FBXL4: variants seen among roughly 807,000 people sequenced by gnomAD.
The protein encoded by FBXL4 is F-box and leucine rich repeat protein 4.
In FBXL4, 40 loss-of-function variants were observed where a neutral mutation model predicts 58.9. The ratio of observed to expected loss-of-function variants is 0.68; its 90% CI spans 0.53 to 0.88. The LOEUF (loss-of-function observed/expected upper bound fraction) is 0.88. FBXL4 is among the 40% of genes least tolerant of loss of function. FBXL4 has a pLI of 0.00. For synonymous variants in FBXL4, 263 were observed against 265.5 expected (o/e 0.99, Z 0.09); for missense variants, 676 against 734.4 (o/e 0.92, Z 0.92).
intron 5 of FBXL4, among the ~76,000 whole-genome samples, chr6:98,912,705 C>T (rs1350212332): frequency 6.6e-6 from 1 of 151,974 alleles, no homozygotes; most frequent in Non-Finnish European, 1.5e-5. Context: ...ACAACCGGTA[C>T]CAGCTGCTGC....
At chr6:98,910,838 G>A (rs1045436849) in intron 5 of FBXL4, among the ~76,000 whole-genome samples, 1 of 152,148 alleles carries the variant, frequency 6.6e-6, no homozygotes, top group Admixed American at 6.5e-5. Flanking sequence ...AGGACAGTGG[G>A]TGCAGCGCAC....
rs1226833476 is a variant in FBXL4, at chr6:98,895,821, T to TA, written c.1317+3446dup. 2.0e-5 allele frequency among the ~76,000 whole-genome samples: 3 copies of TA among 152,186 alleles called. No homozygotes were observed. The East Asian group carries it at 5.8e-4, about 29-fold the overall frequency. ...TGCATACGGACTTGTCTAAGTCTTG[T>TA]AAAATGGCATAAATATACTATATTT... On this transcript the variant is annotated intron_variant, in intron 7 of 9. Transcript: ENST00000369244.
chr6:98,917,582 T>C lies in FBXL4; in HGVS notation c.650A>G (p.Tyr217Cys). 6.2e-7 allele frequency: 1 copy of C among 1,614,024 alleles called. No homozygotes were observed. Among genetic ancestry groups the C allele is most frequent in the Non-Finnish European group, 8.5e-7 (1 of 1,179,906 alleles). The stretch of plus-strand genomic sequence containing the variant: ...TAGCACAACTGCATCTAATTCAGTG[T>C]AATATTCCAGAAGAGAACTATTTAC... Reference protein sequence around the residue: ...LEVNSSLLEYYTELDAVVLHG... With the variant: ...LEVNSSLLEYCTELDAVVLHG... Residue 217 changes from tyrosine (Y) to cysteine (C), a missense_variant, in exon 5 of 10, where the codon TAC becomes TGC. Transcript: ENST00000369244.
At chr6:98,920,612 C>T (rs1772542904) in intron 4 of FBXL4, among the ~76,000 whole-genome samples, 2 of 152,004 alleles carry the variant, frequency 1.3e-5, no homozygotes, top group African/African-American at 4.8e-5. Context: ...CTGCTACCTG[C>T]ATTAAGGTTT....
intron 7 of FBXL4, among the ~76,000 whole-genome samples, chr6:98,882,547 A>G (rs796880638): frequency 2.0e-5 from 3 of 152,098 alleles, no homozygotes; most frequent in African/African-American, 7.2e-5. Context: ...TAAATTACTT[A>G]CTATGAAGAA....
At chr6:98,908,799 G>C (rs1469303717) in intron 5 of FBXL4, among the ~76,000 whole-genome samples, 5 of 151,398 alleles carry the variant, frequency 3.3e-5, no homozygotes, top group African/African-American at 1.2e-4. Flanking sequence ...CTATCCTCTT[G>C]ACCTGTTCCT....
At position 98,946,622 on chromosome 6, in the gene FBXL4, A is replaced by C. The variant is rs552693761; in HGVS notation, c.-309+1184T>G. ...TGAGTAAAGAAATTATCCATCTTAC[A>C]ATGAGTTGACTTATCTGATTTTCAA... On this transcript the variant is annotated intron_variant, in intron 1 of 9. Transcript: ENST00000369244. Among the ~76,000 whole-genome samples the C allele has an allele frequency of 1.3e-4, 20 of 152,330 alleles. No individual in the cohort carries two copies. In the East Asian group the frequency reaches 3.5e-3, roughly 26 times the overall value.
chr6:98,911,398 G>A (rs888836062), intron 5 of FBXL4, among the ~76,000 whole-genome samples: 3 of 152,184 alleles, frequency 2.0e-5, no homozygotes, highest in Non-Finnish European at 4.4e-5. Flanking sequence ...CCTGACCCCT[G>A]ACCCCCAAGC....
At chr6:98,947,227 G>C (rs931871100) in intron 1 of FBXL4, among the ~76,000 whole-genome samples, 3 of 152,240 alleles carry the variant, frequency 2.0e-5, no homozygotes, top group African/African-American at 7.2e-5. Context: ...AAAACCACCC[G>C]TTATAAATAT....
intron 7 of FBXL4, 90 bp downstream of exon 7, chr6:98,899,178 A>T: frequency 6.5e-7 from 1 of 1,539,586 alleles, no homozygotes; most frequent in East Asian, 2.3e-5. Context: ...ATTTAAAAAT[A>T]AAAAACACAT....
At chr6:98,913,787 A>C (rs529628084) in intron 5 of FBXL4, among the ~76,000 whole-genome samples, 12 of 152,272 alleles carry the variant, frequency 7.9e-5, no homozygotes, top group East Asian at 5.8e-4. Context: ...CATTCAAAAG[A>C]TAGCAGAAGG....
At chr6:98,893,058 C>T (rs1447842777) in intron 7 of FBXL4, among the ~76,000 whole-genome samples, 1 of 152,120 alleles carries the variant, frequency 6.6e-6, no homozygotes, top group African/African-American at 2.4e-5. Flanking sequence ...TACTGAGCTA[C>T]CTATCATGCC....
chr6:98,874,196 C>A lies in FBXL4; in HGVS notation c.*82G>T. 1 of 1,077,194 alleles carries A rather than the reference C, an allele frequency of 9.3e-7. No individual in the cohort carries two copies. The highest frequency in any genetic ancestry group is 2.3e-5 in the South Asian group (1 of 42,618). The allele number at this position is 1,077,194 out of a possible 1,614,324, so 66.7% of individuals were successfully genotyped here. A position where few individuals can be genotyped will look rare whatever the true frequency, so the allele number is the denominator to read the frequency against. ...AATGTCTTAATTCTTACCATTAAAA[C>A]AACTAAAAACAAAACCCAAAACCAA... On this transcript the variant is annotated 3_prime_UTR_variant, in exon 10 of 10. Coordinates refer to ENST00000369244, the MANE Select transcript of FBXL4 (RefSeq NM_001278716.2).
At chr6:98,880,464 T>G (rs190881769) in intron 8 of FBXL4, 89 bp downstream of exon 8, 11 of 1,005,898 alleles carry the variant, frequency 1.1e-5, no homozygotes, top group African/African-American at 1.6e-5. Flanking sequence ...TGGGTGTGTG[T>G]GGGGTAGGGT....
intron 7 of FBXL4, among the ~76,000 whole-genome samples, chr6:98,882,448 T>A (rs1462404565): frequency 6.6e-6 from 1 of 152,110 alleles, no homozygotes. Flanking sequence ...CTTCTGCATC[T>A]TCTTCATCAG....
chr6:98,893,982 A>T (rs1168637047), intron 7 of FBXL4, among the ~76,000 whole-genome samples: 1 of 152,080 alleles, frequency 6.6e-6, no homozygotes, highest in East Asian at 1.9e-4. Context: ...GGCTCAAGTG[A>T]TCCTCCCACC....
chr6:98,911,517 G>A (rs555377885), intron 5 of FBXL4, among the ~76,000 whole-genome samples: 1 of 152,306 alleles, frequency 6.6e-6, no homozygotes, highest in South Asian at 2.1e-4. Flanking sequence ...AGCATTCGCG[G>A]ATCACGAAAA....
intron 8 of FBXL4, among the ~76,000 whole-genome samples, chr6:98,879,684 C>T (rs1770776471): frequency 1.3e-5 from 2 of 151,446 alleles, no homozygotes; most frequent in Admixed American, 1.3e-4. Context: ...AGTTCAAGAC[C>T]AGCCTACCCA....
chr6:98,876,510 T>C (rs1042450737), intron 8 of FBXL4, among the ~76,000 whole-genome samples: 10 of 152,252 alleles, frequency 6.6e-5, no homozygotes, highest in African/African-American at 1.9e-4. Flanking sequence ...TATTTCTTTT[T>C]GTTCTTTTGT....
Sources: gnomAD v4.1 joint callset for allele counts (sites outside exome capture counted in the v4.1 genomes callset) on GRCh38, gnomAD v4.1.1 for gene constraint, MANE v1.5 for transcripts, NCBI Gene and HGNC (gene_info 2026-07-23, HGNC 2026-07-21) for gene names.